Variants in ACOT7 observed in about 807,000 individuals in gnomAD.
ACOT7 encodes the protein cytosolic acyl coenzyme A thioester hydrolase.
Under a neutral mutation model 40.2 loss-of-function variants are expected in ACOT7, and 12 were observed. The ratio of observed to expected loss-of-function variants is 0.30; its 90% CI spans 0.19 to 0.48. The LOEUF (loss-of-function observed/expected upper bound fraction) is 0.48, where lower values mean the gene tolerates loss of function less well. Ranked by LOEUF, ACOT7 falls within the 20% of genes least tolerant of loss-of-function variation. The pLI is 0.99. For synonymous variants in ACOT7, 228 were observed against 219.5 expected, an observed-to-expected ratio of 1.04 and a Z score of -0.34; for missense variants, 395 against 530.8, an observed-to-expected ratio of 0.74 and a Z score of 2.51.
chr1:6,366,927 G>A (rs144591965), intron 1 of ACOT7, among the ~76,000 whole-genome samples: 1,835 of 151,904 alleles, frequency 0.012, 18 homozygotes, highest in Non-Finnish European at 0.019. Flanking sequence ...GGCCGGGCGC[G>A]GTGGCTCATG....
At chr1:6,360,012 G>A (rs923752904) in intron 1 of ACOT7, among the ~76,000 whole-genome samples, 2 of 152,266 alleles carry the variant, frequency 1.3e-5, no homozygotes, top group South Asian at 2.1e-4. Flanking sequence ...CTGAGCCTGG[G>A]AAGTCACTCT....
rs1243237575 is a variant in ACOT7 at position 6,393,527 on chromosome 1, A to C, written c.-128T>G. Reference sequence around the variant, plus strand: ...GGCCCCACCCCGAGCCCCGCCTCCCAGGCCGCCAAGGCTGCAGAGAGCTCG... The same window carrying C: ...GGCCCCACCCCGAGCCCCGCCTCCCCGGCCGCCAAGGCTGCAGAGAGCTCG... On this transcript the variant is annotated 5_prime_UTR_variant, in exon 1 of 9. Transcript: ENST00000361521. 1.6e-5 allele frequency: 13 copies of C among 833,744 alleles called. No homozygotes were observed. The African/African-American group carries it at 2.0e-4, about 13-fold the overall frequency. The allele number at this position is 833,744 out of a possible 1,614,324, so 51.6% of individuals were successfully genotyped here. A position where few individuals can be genotyped will look rare whatever the true frequency, so the allele number is the denominator to read the frequency against.
At position 6,264,315 on chromosome 1, in the gene ACOT7, A is replaced by T. The variant is rs1360080888; in HGVS notation, c.*282T>A. ...TTATTAGTGGTGCTGGGTTCTTCCC[A>T]TACCCTACAGCGTGCTCGGAAGCAT... On this transcript the variant is annotated 3_prime_UTR_variant, in exon 9 of 9. Transcript: ENST00000361521. The T allele has an allele frequency of 2.4e-6, 1 of 420,532 alleles. No homozygotes were observed. The highest frequency in any genetic ancestry group is 4.2e-6 in the Non-Finnish European group (1 of 237,848). The allele number at this position is 420,532 out of a possible 1,614,324, so 26.1% of individuals were successfully genotyped here.
At chr1:6,307,070 T>C (rs1468894678) in intron 6 of ACOT7, among the ~76,000 whole-genome samples, 3 of 152,144 alleles carry the variant, frequency 2.0e-5, no homozygotes, top group Non-Finnish European at 4.4e-5. Flanking sequence ...CAGCGTTGTT[T>C]GGCTCCCCAG....
At chr1:6,357,435 C>T (rs1390335524) in intron 1 of ACOT7, among the ~76,000 whole-genome samples, 2 of 152,156 alleles carry the variant, frequency 1.3e-5, no homozygotes, top group Non-Finnish European at 2.9e-5. Context: ...CTCATTACTG[C>T]CCCCTTCTGA....
chr1:6,327,327 C>T lies in ACOT7; in HGVS notation c.597G>A (p.Gly199=), dbSNP rs751250813. 6.2e-7 allele frequency: 1 copy of T among 1,614,186 alleles called. No homozygotes were observed. Among genetic ancestry groups the T allele is most frequent in the South Asian group, 1.1e-5 (1 of 91,084 alleles). ...LERMETKWRN[G]DIVQPVLNPE... ...GGTTGAGGACTGGCTGGACGATGTC[C>T]CCGTTCCTCCACTTGGTCTCCATGC... is the stretch of plus-strand genomic sequence containing the variant. The change falls in exon 5 of 9, where the codon GGG becomes GGA. Residue 199 remains glycine, a synonymous_variant. Coordinates refer to ENST00000361521, the MANE Select transcript of ACOT7 (RefSeq NM_007274.4).
chr1:6,264,788 G>T, intron 8 of ACOT7, 93 bp from the exon 9 acceptor site: 1 of 1,344,734 alleles, frequency 7.4e-7, no homozygotes, highest in Non-Finnish European at 1.0e-6. Flanking sequence ...CCCCCCACCC[G>T]TGGGATCTGC....
At chr1:6,327,206 C>G (rs1640821554) in intron 5 of ACOT7, 93 bp downstream of exon 5, 3 of 1,306,138 alleles carry the variant, frequency 2.3e-6, no homozygotes, top group Admixed American at 2.0e-5. Flanking sequence ...TGGGGAACCT[C>G]AAGCATGAGG....
intron 7 of ACOT7, among the ~76,000 whole-genome samples, chr1:6,283,662 C>A (rs1639418761): frequency 6.6e-6 from 1 of 152,210 alleles, no homozygotes; most frequent in African/African-American, 2.4e-5. Flanking sequence ...GAAGAGAATG[C>A]TGTCTGGGAG....
chr1:6,287,007 C>T (rs1231418173), intron 7 of ACOT7, among the ~76,000 whole-genome samples: 1 of 152,160 alleles, frequency 6.6e-6, no homozygotes, highest in Non-Finnish European at 1.5e-5. Context: ...AGGATGGTCT[C>T]GATCTCCTGA....
At chr1:6,364,542 CAA>C (rs553139824) in intron 1 of ACOT7, among the ~76,000 whole-genome samples, 15 of 75,566 alleles carry the variant, frequency 2.0e-4, no homozygotes, top group Admixed American at 3.1e-4. Context: ...GACTCTGTCT[CAA>C]AAAAAAAAAA....
At chr1:6,354,632 ATGGCCTCTGCAC>A (rs1557664954) in intron 1 of ACOT7, among the ~76,000 whole-genome samples, 2 of 142,122 alleles carry the variant, frequency 1.4e-5, no homozygotes, top group African/African-American at 5.3e-5. Context: ...CTCACTCCCC[ATGGCCTCTGCAC>A]TGGCCTCTCA....
At chr1:6,371,626 G>A (rs1642135804) in intron 1 of ACOT7, among the ~76,000 whole-genome samples, 1 of 151,786 alleles carries the variant, frequency 6.6e-6, no homozygotes, top group African/African-American at 2.4e-5. Flanking sequence ...GCCTCCCAAA[G>A]TGCTGGGATT....
chr1:6,307,751 C>A (rs1196472170), intron 6 of ACOT7, among the ~76,000 whole-genome samples: 1 of 150,952 alleles, frequency 6.6e-6, no homozygotes, highest in African/African-American at 2.4e-5. Context: ...CTGCAACAGG[C>A]GGAGGGAACT....
At chr1:6,391,133 T>C (rs1642525890) in intron 1 of ACOT7, among the ~76,000 whole-genome samples, 1 of 151,906 alleles carries the variant, frequency 6.6e-6, no homozygotes. Context: ...CCATCTCTAC[T>C]AAAAATACAA....
Position 6,277,814 on chromosome 1 carries a change from C to T in ACOT7, c.1014+3288G>A, listed in dbSNP as rs545908277. Reference sequence around the variant, plus strand: ...CACCATTCAACTTCCTCTATCTTCACTGTTTGTTTACTCCTCCCTCTGAGA... The same window carrying T: ...CACCATTCAACTTCCTCTATCTTCATTGTTTGTTTACTCCTCCCTCTGAGA... On this transcript the variant is annotated intron_variant, in intron 8 of 8. Transcript: ENST00000361521. Among the ~76,000 whole-genome samples, 91 of 152,376 alleles carry T rather than the reference C, an allele frequency of 6.0e-4. 1 individual carries two copies. Among genetic ancestry groups the T allele is most frequent in the Middle Eastern group, 6.8e-3 (2 of 294 alleles).
chr1:6,370,144 C>G (rs999653077), intron 1 of ACOT7, among the ~76,000 whole-genome samples: 1 of 152,128 alleles, frequency 6.6e-6, no homozygotes, highest in Non-Finnish European at 1.5e-5. Context: ...TTAAAAGGAG[C>G]CTGGCACCTC....
At chr1:6,315,976 T>G (rs975847608) in intron 6 of ACOT7, among the ~76,000 whole-genome samples, 1 of 151,962 alleles carries the variant, frequency 6.6e-6, no homozygotes, top group Non-Finnish European at 1.5e-5. Flanking sequence ...TCCAGTGACT[T>G]CTCCCACTCC....
chr1:6,318,724 CTA>C (rs1233883955), intron 5 of ACOT7, 146 bp from the exon 6 acceptor site: 16 of 766,636 alleles, frequency 2.1e-5, no homozygotes, highest in Non-Finnish European at 3.5e-5. Flanking sequence ...CTAAGGAAAA[CTA>C]TGGTCTCCAA....
Sources: gnomAD v4.1 joint callset for allele counts (sites outside exome capture counted in the v4.1 genomes callset) on GRCh38, gnomAD v4.1.1 for gene constraint, MANE v1.5 for transcripts, NCBI Gene and HGNC (gene_info 2026-07-23, HGNC 2026-07-21) for gene names.